The following ASPG variants were observed in gnomAD, a reference collection of about 807,000 sequenced individuals.
The protein encoded by ASPG is asparaginase, also known as 60 kDa lysophospholipase.
A neutral mutation model predicts 63.2 loss-of-function variants in ASPG; 53 were observed. That is an observed-to-expected ratio of 0.84 (90% CI 0.67 to 1.05). ASPG has a LOEUF of 1.05. ASPG is among the 50% of genes least tolerant of loss of function. The pLI is 0.00. For synonymous variants in ASPG, 370 were observed against 355.0 expected, an observed-to-expected ratio of 1.04 and a Z score of -0.48; for missense variants, 741 against 794.4, an observed-to-expected ratio of 0.93 and a Z score of 0.81.
intron 1 of ASPG, among the ~76,000 whole-genome samples, chr14:104,090,633 C>T (rs2036339586): frequency 6.6e-6 from 1 of 152,246 alleles, no homozygotes; most frequent in Non-Finnish European, 1.5e-5. Context: ...TCCAGTCATC[C>T]AGGCCAGCAT....
chr14:104,109,942 G>T lies in ASPG; in HGVS notation c.1520+627G>T. 3.0e-6 allele frequency: 3 copies of T among 985,166 alleles called. No individual in the cohort carries two copies. Among genetic ancestry groups the T allele is most frequent in the Non-Finnish European group, 3.6e-6 (3 of 829,778 alleles). 61.0% of individuals were successfully genotyped at this position (985,166 alleles called of 1,614,324 possible). On this transcript the variant is annotated intron_variant, in intron 13 of 15. Coordinates refer to ENST00000551177, the MANE Select transcript of ASPG (RefSeq NM_001080464.3). This position sits in a 1 kb window ranked among gnomAD's most constrained non-coding sequence, Gnocchi z 4.8. ...GTTGTTGGGGAGACTGAGGCGCAGG[G>T]AGGCCTTCGGCGAGGGTGTCGGTTG...
chr14:104,102,467 G>A (rs1229300215), intron 6 of ASPG, among the ~76,000 whole-genome samples: 3 of 152,118 alleles, frequency 2.0e-5, no homozygotes, highest in Admixed American at 6.5e-5. Flanking sequence ...GCACCGTGCC[G>A]GGCTCTCCAG....
At chr14:104,111,423 C>T (rs2037377887) in intron 13 of ASPG, 79 bp from the exon 14 acceptor site, 3 of 1,304,954 alleles carry the variant, frequency 2.3e-6, no homozygotes, top group Admixed American at 4.3e-5. Context: ...GCGTCCAGGC[C>T]ACCTGGGGGA....
At chr14:104,093,637 G>A (rs1222569835) in intron 3 of ASPG, 35 bp downstream of exon 3, 1 of 995,222 alleles carries the variant, frequency 1.0e-6, no homozygotes, top group Non-Finnish European at 1.2e-6. Context: ...TGGGGCTGTG[G>A]TGTGTGGGTG....
In ASPG at chr14:104,109,017, A is replaced by G. The variant is rs1345021170; in HGVS notation, c.1434-212A>G. 1.0e-6 allele frequency: 1 copy of G among 985,244 alleles called. No homozygotes were observed. Among genetic ancestry groups the G allele is most frequent in the African/African-American group, 1.7e-5 (1 of 57,220 alleles). 61.0% of individuals were successfully genotyped at this position (985,244 alleles called of 1,614,324 possible). A position where few individuals can be genotyped will look rare whatever the true frequency, so the allele number is the denominator to read the frequency against. ...CAGCTGCCCTAAGAAGGAGTACTGG[A>G]CAAATGGAGGTGGTGGGATCCCGGG... On this transcript the variant is annotated intron_variant, in intron 12 of 15. Transcript: ENST00000551177. This position sits in a 1 kb window ranked among gnomAD's most constrained non-coding sequence, Gnocchi z 4.8.
intron 6 of ASPG, among the ~76,000 whole-genome samples, chr14:104,102,819 C>G (rs1596092841): frequency 6.6e-6 from 1 of 152,298 alleles, no homozygotes; most frequent in East Asian, 1.9e-4. Context: ...CTGGGGAGCC[C>G]CTCTGCATGG....
chr14:104,100,783 G>T (rs2036840475), intron 6 of ASPG, among the ~76,000 whole-genome samples: 1 of 152,196 alleles, frequency 6.6e-6, no homozygotes, highest in Non-Finnish European at 1.5e-5. Context: ...GTGCTGGTAG[G>T]GTACTGGCTT....
intron 2 of ASPG, 67 bp downstream of exon 2, chr14:104,092,808 G>A: frequency 1.5e-6 from 2 of 1,371,660 alleles, no homozygotes; most frequent in Non-Finnish European, 2.0e-6. Context: ...CCTGAGGCTG[G>A]GCACTGCTGG....
At chr14:104,101,134 C>A (rs958920200) in intron 6 of ASPG, among the ~76,000 whole-genome samples, 1 of 152,190 alleles carries the variant, frequency 6.6e-6, no homozygotes, top group Non-Finnish European at 1.5e-5. Context: ...CCCAGCCCCC[C>A]ACCCCTGAGT....
rs749888322 is a variant in ASPG, at chr14:104,093,511, G to C, written c.212G>C (p.Arg71Thr). The C allele has an allele frequency of 8.6e-5, 139 of 1,612,600 alleles. No individual in the cohort carries two copies. The highest frequency in any genetic ancestry group is 1.5e-4 in the Admixed American group (9 of 59,994). ...LVLPPASRNQ[R>T]ILYTVLECQP... Reference sequence around the variant, plus strand: ...CGCAGCCCGGCCAGCCGCAACCAGAGGATTCTCTACACCGTGCTGGAGTGC... The same window carrying C: ...CGCAGCCCGGCCAGCCGCAACCAGACGATTCTCTACACCGTGCTGGAGTGC... The change falls in exon 3 of 16, where the codon AGG becomes ACG. Residue 71 changes from arginine to threonine, a missense_variant. Physicochemically the swap from Arg to Thr is moderately conservative, Grantham distance 71. Coordinates refer to ENST00000551177, the MANE Select transcript of ASPG (RefSeq NM_001080464.3).
In ASPG at chr14:104,091,238, G is replaced by A. The variant is rs1328680399; in HGVS notation, c.83-1395G>A. ...CAGGGACACTTGGACACCGGTGTGG[G>A]GTGGACCCTGAGCCCCCTGGATGCC... is the stretch of plus-strand genomic sequence containing the variant. On this transcript the variant is annotated intron_variant, in intron 1 of 15. Coordinates refer to ENST00000551177, the MANE Select transcript of ASPG (RefSeq NM_001080464.3). This position sits in a 1 kb window ranked among gnomAD's most constrained non-coding sequence, Gnocchi z 6.4. 1.3e-5 allele frequency among the ~76,000 whole-genome samples: 2 copies of A among 151,886 alleles called. No homozygotes were observed. Among genetic ancestry groups the A allele is most frequent in the Non-Finnish European group, 2.9e-5 (2 of 67,976 alleles).
Position 104,106,766 on chromosome 14 carries a change from C to T in ASPG, c.1174-33C>T, listed in dbSNP as rs375032867. On this transcript the variant is annotated intron_variant, in intron 10 of 15. Transcript: ENST00000551177. ...AGTTCCACCAGATGCCAAAGGGAGG[C>T]GTGGGTCCCAGGGTGCCGCCTTCCC... is the stretch of plus-strand genomic sequence containing the variant. 9.4e-5 allele frequency: 145 copies of T among 1,536,706 alleles called. No individual in the cohort carries two copies. In the African/African-American group the frequency reaches 1.2e-3, roughly 13 times the overall value.
intron 15 of ASPG, 138 bp from the exon 16 acceptor site, chr14:104,112,386 G>A: frequency 1.4e-6 from 1 of 691,916 alleles, no homozygotes; most frequent in Admixed American, 2.1e-5. Flanking sequence ...ACTTGGTTGT[G>A]TGGCCCTCCC....
At chr14:104,102,085 GC>G (rs2036902400) in intron 6 of ASPG, among the ~76,000 whole-genome samples, 2 of 152,064 alleles carry the variant, frequency 1.3e-5, no homozygotes. Flanking sequence ...TCTCTGTGTA[GC>G]CCCCTCTCAG....
In ASPG at chr14:104,104,951, G is replaced by A. The variant is rs77252190; in HGVS notation, c.1050+216G>A. Reference sequence around the variant, plus strand: ...TCACTGGACTCCCAGCCCAGGCTCCGCCTGTCCTTGTGCCTTCTCAGACTG... The same window carrying A: ...TCACTGGACTCCCAGCCCAGGCTCCACCTGTCCTTGTGCCTTCTCAGACTG... On this transcript the variant is annotated intron_variant, in intron 9 of 15. Transcript: ENST00000551177. 47 of 585,684 alleles carry A rather than the reference G, an allele frequency of 8.0e-5. No individual in the cohort carries two copies. In the Admixed American group the frequency reaches 1.0e-3, roughly 13 times the overall value. 36.3% of individuals were successfully genotyped at this position (585,684 alleles called of 1,614,324 possible). A position where few individuals can be genotyped will look rare whatever the true frequency, so the allele number is the denominator to read the frequency against.
At chr14:104,090,432 A>C (rs2036333678) in intron 1 of ASPG, among the ~76,000 whole-genome samples, 1 of 152,212 alleles carries the variant, frequency 6.6e-6, no homozygotes, top group Non-Finnish European at 1.5e-5. Context: ...TCCTGTGGCC[A>C]CTGTGCCGGG....
At chr14:104,107,150 C>T in intron 11 of ASPG, 32 bp from the exon 12 acceptor site, 2 of 1,532,848 alleles carry the variant, frequency 1.3e-6, no homozygotes, top group Non-Finnish European at 1.8e-6. Context: ...CTGGGTCTCC[C>T]TCAGGGGTCG....
chr14:104,107,154 G>A, intron 11 of ASPG, 28 bp from the exon 12 acceptor site: 3 of 1,533,978 alleles, frequency 2.0e-6, no homozygotes, highest in Non-Finnish European at 2.6e-6. Flanking sequence ...GTCTCCCTCA[G>A]GGGTCGCATG....
In ASPG at chr14:104,113,123, G is replaced by C. The variant is rs1383936640; in HGVS notation, c.*579G>C. On this transcript the variant is annotated 3_prime_UTR_variant, in exon 16 of 16. Transcript: ENST00000551177. ...TCTGGTTTTCTGTCACCCCAGTATC[G>C]CTGCACCCGGCCCCCCTCTCAGGCC... 2 of 173,728 alleles carry C rather than the reference G, an allele frequency of 1.2e-5. No individual in the cohort carries two copies. Among genetic ancestry groups the C allele is most frequent in the Non-Finnish European group, 2.5e-5 (2 of 81,368 alleles). The allele number at this position is 173,728 out of a possible 1,614,324, so 10.8% of individuals were successfully genotyped here. A position where few individuals can be genotyped will look rare whatever the true frequency, so the allele number is the denominator to read the frequency against.
Sources: allele counts gnomAD v4.1 joint callset (sites outside exome capture counted in the v4.1 genomes callset), GRCh38; gene constraint gnomAD v4.1.1; non-coding constraint Gnocchi (gnomAD v3.1); transcripts MANE v1.5; gene names NCBI Gene and HGNC (gene_info 2026-07-23, HGNC 2026-07-21).